Variants in SLC2A13 observed in about 807,000 individuals in gnomAD.
The protein encoded by SLC2A13 is solute carrier family 2 member 13.
A neutral mutation model predicts 64.4 loss-of-function variants in SLC2A13; 32 were observed. That is an observed-to-expected ratio of 0.50 (90% CI 0.37 to 0.67). The LOEUF (loss-of-function observed/expected upper bound fraction) is 0.67, where lower values mean the gene tolerates loss of function less well. Among genes scored for constraint, SLC2A13 ranks in the 30% least tolerant of loss-of-function variants. SLC2A13 has a pLI of 0.00. For missense variants in SLC2A13, 743 were observed against 829.2 expected, an observed-to-expected ratio of 0.90 and a Z score of 1.28; for synonymous variants, 338 against 327.1, an observed-to-expected ratio of 1.03 and a Z score of -0.36.
chr12:39,923,402 A>T (rs1592286535), intron 4 of SLC2A13, among the ~76,000 whole-genome samples: 1 of 152,156 alleles, frequency 6.6e-6, no homozygotes, highest in East Asian at 1.9e-4. Flanking sequence ...AACCAGACAA[A>T]AAGGACAAAT....
intron 3 of SLC2A13, among the ~76,000 whole-genome samples, chr12:39,966,336 A>G (rs1039583583): frequency 2.0e-5 from 3 of 152,000 alleles, no homozygotes; most frequent in African/African-American, 7.2e-5. Flanking sequence ...TGATAAGGGA[A>G]GTGAGGTACC....
chr12:39,944,082 T>A (rs1946092570), intron 4 of SLC2A13, among the ~76,000 whole-genome samples: 2 of 152,250 alleles, frequency 1.3e-5, no homozygotes, highest in African/African-American at 4.8e-5. Flanking sequence ...TAAATTTCCA[T>A]GTTGATGTCA....
rs1489897169 is a variant in SLC2A13 at position 39,764,939 on chromosome 12, T to G, written c.1446-81A>C. ...AATTCAATATGATCATATTTATGTA[T>G]TTGGAAATTCCTTAATGTCTTAAGA... On this transcript the variant is annotated intron_variant, in intron 7 of 9. Transcript: ENST00000280871. 4 of 1,485,668 alleles carry G rather than the reference T, an allele frequency of 2.7e-6. No individual in the cohort carries two copies. In the East Asian group the frequency reaches 9.2e-5, roughly 34 times the overall value. The allele number at this position is 1,485,668 out of a possible 1,614,324, so 92.0% of individuals were successfully genotyped here.
intron 1 of SLC2A13, among the ~76,000 whole-genome samples, chr12:40,061,540 C>G (rs901257009): frequency 6.6e-6 from 1 of 152,084 alleles, no homozygotes; most frequent in Non-Finnish European, 1.5e-5. Flanking sequence ...ACTATGTACA[C>G]AGCATTTACA....
intron 1 of SLC2A13, among the ~76,000 whole-genome samples, chr12:40,091,634 T>C (rs923416687): frequency 2.2e-4 from 33 of 152,160 alleles, no homozygotes; most frequent in African/African-American, 7.5e-4. Context: ...AATGTCTTTC[T>C]CTCCTTAACC....
chr12:39,803,867 C>T (rs895992212), intron 7 of SLC2A13, among the ~76,000 whole-genome samples: 1 of 151,952 alleles, frequency 6.6e-6, no homozygotes, highest in Non-Finnish European at 1.5e-5. Context: ...AAACAAGAAT[C>T]TTCATATTTA....
At chr12:39,780,919 T>C (rs1045452982) in intron 7 of SLC2A13, among the ~76,000 whole-genome samples, 1 of 152,206 alleles carries the variant, frequency 6.6e-6, no homozygotes, top group African/African-American at 2.4e-5. Flanking sequence ...TTATTTAAAA[T>C]AGAACTTGTG....
chr12:39,905,944 T>C (rs1309856236), intron 4 of SLC2A13, among the ~76,000 whole-genome samples: 2 of 152,136 alleles, frequency 1.3e-5, no homozygotes, highest in African/African-American at 2.4e-5. Flanking sequence ...GGTTACACTA[T>C]ATTTGGTATA....
chr12:40,034,877 G>T (rs1171072828), intron 2 of SLC2A13, among the ~76,000 whole-genome samples: 1 of 152,112 alleles, frequency 6.6e-6, no homozygotes, highest in African/African-American at 2.4e-5. Context: ...CTGTTACTCA[G>T]CTATTTACCC....
In SLC2A13 at chr12:40,048,126, A is replaced by C; in HGVS notation, c.641T>G (p.Leu214Arg). 6.2e-7 allele frequency: 1 copy of C among 1,613,650 alleles called. No homozygotes were observed. Among genetic ancestry groups the C allele is most frequent in the Non-Finnish European group, 8.5e-7 (1 of 1,179,774 alleles). Residue 214 changes from leucine (L) to arginine (R), a missense_variant, in exon 2 of 10, where the codon CTC becomes CGC. Coordinates refer to ENST00000280871, the MANE Select transcript of SLC2A13 (RefSeq NM_052885.4). ...LRGRLVTINT[L>R]FITGGQFFAS... Reference sequence around the variant, plus strand: ...AAAGAACTGCCCTCCTGTGATGAAGAGGGTATTAATGGTGACTAATCGGCC... The same window carrying C: ...AAAGAACTGCCCTCCTGTGATGAAGCGGGTATTAATGGTGACTAATCGGCC...
At chr12:39,827,713 AACAACATAGATATAG>A (rs1458185081) in intron 7 of SLC2A13, among the ~76,000 whole-genome samples, 24 of 152,198 alleles carry the variant, frequency 1.6e-4, no homozygotes, top group South Asian at 4.1e-4. Context: ...ATTGAAATTT[AACAACATAGATATAG>A]AAAACCATAC....
At chr12:39,909,808 T>A in intron 4 of SLC2A13, among the ~76,000 whole-genome samples, 1 of 151,850 alleles carries the variant, frequency 6.6e-6, no homozygotes, top group East Asian at 1.9e-4. Context: ...ATTTGCAGTG[T>A]GGGAACTCAA....
At chr12:39,927,347 C>A (rs993862396) in intron 4 of SLC2A13, among the ~76,000 whole-genome samples, 3 of 152,094 alleles carry the variant, frequency 2.0e-5, no homozygotes, top group Admixed American at 6.5e-5. Context: ...AGATCAAAAA[C>A]TAAACTGAAA....
chr12:39,800,264 T>A (rs114237784), intron 7 of SLC2A13, among the ~76,000 whole-genome samples: 4,023 of 152,242 alleles, frequency 0.026, 175 homozygotes, highest in African/African-American at 0.092. Flanking sequence ...CTTCTGAGAA[T>A]AATATAAATA....
chr12:40,086,713 G>C (rs1159565437), intron 1 of SLC2A13, among the ~76,000 whole-genome samples: 1 of 152,196 alleles, frequency 6.6e-6, no homozygotes, highest in Non-Finnish European at 1.5e-5. Context: ...TGACAAGGAA[G>C]AACTGGGCAT....
At chr12:40,030,791 CAT>C (rs1947891528) in intron 2 of SLC2A13, among the ~76,000 whole-genome samples, 1 of 151,962 alleles carries the variant, frequency 6.6e-6, no homozygotes, top group African/African-American at 2.4e-5. Flanking sequence ...AAAATACAGA[CAT>C]ATATATTAGC....
At chr12:40,063,995 C>A (rs763684746) in intron 1 of SLC2A13, among the ~76,000 whole-genome samples, 1 of 152,030 alleles carries the variant, frequency 6.6e-6, no homozygotes, top group African/African-American at 2.4e-5. Context: ...GTAATCCCAG[C>A]ACTTTCAGAG....
At chr12:39,954,291 A>G (rs1350742661) in intron 3 of SLC2A13, among the ~76,000 whole-genome samples, 1 of 152,196 alleles carries the variant, frequency 6.6e-6, no homozygotes, top group Non-Finnish European at 1.5e-5. Flanking sequence ...GCAGCTCAGA[A>G]TACAGAGATG....
chr12:39,788,956 T>C (rs538201900), intron 7 of SLC2A13, among the ~76,000 whole-genome samples: 6 of 152,268 alleles, frequency 3.9e-5, no homozygotes, highest in African/African-American at 1.2e-4. Context: ...ACTGTGTGTG[T>C]GTGCGCAAAC....
Sources: allele counts gnomAD v4.1 joint callset (sites outside exome capture counted in the v4.1 genomes callset), GRCh38; gene constraint gnomAD v4.1.1; transcripts MANE v1.5; gene names NCBI Gene and HGNC (gene_info 2026-07-23, HGNC 2026-07-21).